Variants in USP25 observed in about 807,000 individuals in gnomAD.
USP25 encodes the protein ubiquitin specific peptidase 25.
In USP25, 85 loss-of-function variants were observed where a neutral mutation model predicts 158.5. The ratio of observed to expected loss-of-function variants is 0.54; its 90% CI spans 0.45 to 0.64. The LOEUF (loss-of-function observed/expected upper bound fraction) is 0.64, where lower values mean the gene tolerates loss of function less well. Ranked by LOEUF, USP25 falls within the 30% of genes least tolerant of loss-of-function variation. The pLI, the probability that USP25 is intolerant of heterozygous loss-of-function variation, is 0.00. For synonymous variants in USP25, 464 were observed against 460.4 expected, an observed-to-expected ratio of 1.01 and a Z score of -0.10; for missense variants, 1,242 against 1,327.3, an observed-to-expected ratio of 0.94 and a Z score of 1.00.
chr21:15,849,924 C>T, intron 20 of USP25, 52 bp downstream of exon 20: 3 of 1,304,278 alleles, frequency 2.3e-6, no homozygotes, highest in Non-Finnish European at 3.1e-6. Flanking sequence ...AATTAAACTT[C>T]TTAAAATATT....
In USP25 at chr21:15,827,110, C is replaced by T. The variant is rs376709075; in HGVS notation, c.1600C>T (p.His534Tyr). The T allele has an allele frequency of 1.4e-5, 23 of 1,614,042 alleles. No individual in the cohort carries two copies. The highest frequency in any genetic ancestry group is 1.9e-5 in the Non-Finnish European group (22 of 1,180,022). The change falls in exon 14 of 26, where the codon CAT (histidine) becomes TAT (tyrosine). Residue 534 changes from histidine to tyrosine, a missense_variant. Physicochemically the swap from His to Tyr is moderately conservative, Grantham distance 83. Around this residue, in one of 3 missense-constraint regions of USP25, gnomAD observed 627 missense variants for 701.4 expected, o/e 0.89. Transcript: ENST00000400183. ...QSRIPPDLPM[H>Y]PAPRHITEEE... ...CCGGATACCTCCAGATTTGCCCATG[C>T]ATCCGGCACCAAGGCACATAACGGA...
chr21:15,864,528 T>G lies in USP25; in HGVS notation c.2726+82T>G, dbSNP rs1213030260. 1.2e-5 allele frequency: 16 copies of G among 1,300,864 alleles called. No homozygotes were observed. In the East Asian group the frequency reaches 4.1e-4, roughly 34 times the overall value. The allele number at this position is 1,300,864 out of a possible 1,614,324, so 80.6% of individuals were successfully genotyped here. A position where few individuals can be genotyped will look rare whatever the true frequency, so the allele number is the denominator to read the frequency against. On this transcript the variant is annotated intron_variant, in intron 21 of 25. Coordinates refer to ENST00000400183, the MANE Select transcript of USP25 (RefSeq NM_001283041.3). The stretch of plus-strand genomic sequence containing the variant: ...GATTCCCAGGATAATTTTTTGAGTA[T>G]TTATTTTATATATGCATGGGCACAT...
intron 1 of USP25, among the ~76,000 whole-genome samples, chr21:15,747,424 A>G (rs1240963213): frequency 6.6e-6 from 1 of 151,794 alleles, no homozygotes; most frequent in Admixed American, 6.6e-5. Context: ...TCTTATCTAT[A>G]TATACCTGTG....
chr21:15,860,979 G>T (rs896600258), intron 20 of USP25, among the ~76,000 whole-genome samples: 29 of 149,750 alleles, frequency 1.9e-4, no homozygotes, highest in East Asian at 3.9e-4. Flanking sequence ...TATATATAGA[G>T]AGAGAGAGAG....
intron 1 of USP25, chr21:15,745,130 G>A (rs6517611): frequency 0.23 from 35,309 of 152,122 alleles, 5,564 homozygotes; most frequent in African/African-American, 0.45. Context: ...ATGGTCGGGG[G>A]GAGGGAGGTG....
intron 4 of USP25, among the ~76,000 whole-genome samples, chr21:15,782,482 C>T (rs1218836253): frequency 6.6e-6 from 1 of 152,216 alleles, no homozygotes; most frequent in Non-Finnish European, 1.5e-5. Flanking sequence ...AGTAACCCTG[C>T]TGCCATTCAG....
chr21:15,763,628 T>G (rs2033865546), intron 2 of USP25, among the ~76,000 whole-genome samples: 1 of 152,276 alleles, frequency 6.6e-6, no homozygotes. Flanking sequence ...TATTTGCATA[T>G]TACTACTATA....
chr21:15,760,538 T>G (rs1171769992), intron 1 of USP25, among the ~76,000 whole-genome samples: 1 of 152,236 alleles, frequency 6.6e-6, no homozygotes, highest in Non-Finnish European at 1.5e-5. Context: ...CTGTAAAAGA[T>G]ACTTGGGCTG....
At chr21:15,831,801 G>A (rs1299180075) in intron 16 of USP25, among the ~76,000 whole-genome samples, 172 bp downstream of exon 16, 5 of 152,136 alleles carry the variant, frequency 3.3e-5, no homozygotes, top group East Asian at 3.9e-4. Context: ...CTAAGAATTC[G>A]TATATATTTT....
intron 20 of USP25, among the ~76,000 whole-genome samples, chr21:15,855,792 A>G (rs1362468207): frequency 6.6e-6 from 1 of 152,216 alleles, no homozygotes; most frequent in East Asian, 1.9e-4. Flanking sequence ...GTACTCCAGA[A>G]GTACCTTTTT....
chr21:15,763,255 G>GT (rs1568773054), intron 2 of USP25, among the ~76,000 whole-genome samples: 2 of 152,082 alleles, frequency 1.3e-5, no homozygotes, highest in African/African-American at 4.8e-5. Flanking sequence ...CTAATGGATG[G>GT]TTTTACTTAC....
Position 15,842,553 on chromosome 21 carries a change from C to A in USP25, c.2337+13C>A. ...AGTTTTGCAGTCGGTAAGAACTTTT[C>A]TTTTGGCTCTCTGAACATAGCCATG... On this transcript the variant is annotated intron_variant, in intron 18 of 25. Coordinates refer to ENST00000400183, the MANE Select transcript of USP25 (RefSeq NM_001283041.3). 2 of 1,612,188 alleles carry A rather than the reference C, an allele frequency of 1.2e-6. No homozygotes were observed. The highest frequency in any genetic ancestry group is 1.7e-6 in the Non-Finnish European group (2 of 1,178,988).
chr21:15,738,314 C>T (rs895519323), intron 1 of USP25, among the ~76,000 whole-genome samples: 1 of 152,132 alleles, frequency 6.6e-6, no homozygotes, highest in Non-Finnish European at 1.5e-5. Context: ...TTAGAATGAT[C>T]ATACCAAGCT....
Position 15,762,801 on chromosome 21 carries a change from G to T in USP25, c.46-90G>T. ...GTTTACTTTATTCTGTTTTTTGTTT[G>T]TTTTGGAAAACCAAAGGTGATTTGT... On this transcript the variant is annotated intron_variant, in intron 1 of 25. Transcript: ENST00000400183. The T allele has an allele frequency of 5.7e-6, 7 of 1,226,280 alleles. No homozygotes were observed. In the Admixed American group the frequency reaches 7.2e-5, roughly 13 times the overall value. The allele number at this position is 1,226,280 out of a possible 1,614,324, so 76.0% of individuals were successfully genotyped here.
chr21:15,867,740 AAGTG>A (rs1159881863), intron 22 of USP25, among the ~76,000 whole-genome samples: 2 of 152,146 alleles, frequency 1.3e-5, no homozygotes, highest in African/African-American at 4.8e-5. Context: ...GAAAGTATAA[AAGTG>A]AGACCATTTA....
intron 1 of USP25, among the ~76,000 whole-genome samples, chr21:15,760,269 A>T (rs2033648122): frequency 6.6e-6 from 1 of 152,158 alleles, no homozygotes; most frequent in Non-Finnish European, 1.5e-5. Flanking sequence ...CATTTGGGAG[A>T]CACCTTTTGT....
At chr21:15,778,491 TAATA>T (rs1265531679) in intron 4 of USP25, among the ~76,000 whole-genome samples, 4 of 152,144 alleles carry the variant, frequency 2.6e-5, no homozygotes, top group Non-Finnish European at 5.9e-5. Context: ...GGCTGTATCC[TAATA>T]AATCTTGATT....
intron 20 of USP25, among the ~76,000 whole-genome samples, chr21:15,862,396 A>G (rs919372015): frequency 1.3e-5 from 2 of 152,066 alleles, no homozygotes; most frequent in Non-Finnish European, 2.9e-5. Context: ...AAAATCTAAA[A>G]TTGGAAACAC....
chr21:15,860,969 T>TAGAGAGAGAG (rs1441004914), intron 20 of USP25, among the ~76,000 whole-genome samples: 8 of 141,258 alleles, frequency 5.7e-5, no homozygotes, highest in African/African-American at 1.8e-4. Context: ...TATATATATA[T>TAGAGAGAGAG]ATATATAGAG....
Sources: gnomAD v4.1 joint callset for allele counts (sites outside exome capture counted in the v4.1 genomes callset) on GRCh38, gnomAD v4.1.1 for gene constraint, gnomAD v4.1.1 regional missense constraint, MANE v1.5 for transcripts, NCBI Gene and HGNC (gene_info 2026-07-23, HGNC 2026-07-21) for gene names.